Variants in SPON1 observed in about 807,000 individuals in gnomAD.
SPON1 encodes spondin 1, also known as spondin-1.
Under a neutral mutation model 111.7 loss-of-function variants are expected in SPON1, and 52 were observed. The ratio of observed to expected loss-of-function variants is 0.47; its 90% confidence interval spans 0.37 to 0.59. The LOEUF is 0.59. Ranked by LOEUF, SPON1 falls within the 20% of genes least tolerant of loss-of-function variation. The pLI, the probability that SPON1 is intolerant of heterozygous loss-of-function variation, is 0.00. For missense variants in SPON1, 957 were observed against 1,068.5 expected (o/e 0.90, Z 1.46); for synonymous variants, 410 against 395.8 (o/e 1.04, Z -0.43).
At chr11:14,261,284 A>G (rs1554941893) in intron 14 of SPON1, among the ~76,000 whole-genome samples, 1 of 152,150 alleles carries the variant, frequency 6.6e-6, no homozygotes, top group African/African-American at 2.4e-5. Flanking sequence ...TTTATATTAC[A>G]TGGGACTAAT....
intron 6 of SPON1, among the ~76,000 whole-genome samples, chr11:14,222,180 T>G (rs893941374): frequency 7.2e-5 from 11 of 152,258 alleles, no homozygotes; most frequent in African/African-American, 2.4e-4. Context: ...TTTTTCCCAT[T>G]ATAACATTTC....
At chr11:14,074,985 C>G (rs1302334227) in intron 3 of SPON1, among the ~76,000 whole-genome samples, 1 of 152,048 alleles carries the variant, frequency 6.6e-6, no homozygotes, top group East Asian at 1.9e-4. Context: ...TATAAATGGC[C>G]TCAATAGTTT....
At chr11:14,202,467 T>C (rs1217151553) in intron 6 of SPON1, among the ~76,000 whole-genome samples, 2 of 152,152 alleles carry the variant, frequency 1.3e-5, no homozygotes, top group Non-Finnish European at 1.5e-5. Context: ...AGTGAATATG[T>C]GTCAGGACAG....
intron 6 of SPON1, among the ~76,000 whole-genome samples, chr11:14,158,878 T>C (rs1328372419): frequency 6.6e-6 from 1 of 152,172 alleles, no homozygotes; most frequent in African/African-American, 2.4e-5. Context: ...ATCTTTCTGA[T>C]TTGTGTCTCT....
At chr11:14,064,311 A>G (rs1316647976) in intron 3 of SPON1, among the ~76,000 whole-genome samples, 10 of 152,266 alleles carry the variant, frequency 6.6e-5, no homozygotes, top group African/African-American at 2.4e-4. Flanking sequence ...CCAAATGAAC[A>G]GTAACAACAA....
At chr11:14,227,425 A>C (rs1848752501) in intron 6 of SPON1, among the ~76,000 whole-genome samples, 1 of 152,190 alleles carries the variant, frequency 6.6e-6, no homozygotes, top group Non-Finnish European at 1.5e-5. Flanking sequence ...TTGAGGCCTT[A>C]GTATTTGTTT....
intron 6 of SPON1, among the ~76,000 whole-genome samples, chr11:14,141,029 C>CCCCCCACCCCCCCCCTCCCCCCCA (rs71041572): frequency 7.6e-6 from 1 of 132,274 alleles, no homozygotes; most frequent in Non-Finnish European, 1.6e-5. Context: ...GTGCCCCCCC[C>CCCCCCACCCCCCCCCTCCCCCCCA]ATGCCCCACT....
rs1471230102 is a variant in SPON1, at chr11:14,135,346, C to A, written c.677-74C>A. 2 of 1,507,734 alleles carry A rather than the reference C, an allele frequency of 1.3e-6. No individual in the cohort carries two copies. Among genetic ancestry groups the A allele is most frequent in the Admixed American group, 1.8e-5 (1 of 54,090 alleles). The allele number at this position is 1,507,734 out of a possible 1,614,324, so 93.4% of individuals were successfully genotyped here. ...TTTGAATCGATGTCCAATTACGCAT[C>A]CTCCCCATCATTTAAGGGACTCGTG... On this transcript the variant is annotated intron_variant, in intron 5 of 15. Coordinates refer to ENST00000576479, the MANE Select transcript of SPON1 (RefSeq NM_006108.4). The surrounding 1 kb of genome is among the most constrained non-coding windows in gnomAD (Gnocchi z 4.4).
chr11:14,263,052 T>TA, intron 15 of SPON1, 77 bp downstream of exon 15: 10 of 1,252,630 alleles, frequency 8.0e-6, no homozygotes, highest in South Asian at 3.5e-5. Flanking sequence ...TTGGACCTGT[T>TA]TAAAAAAAAA....
intron 5 of SPON1, among the ~76,000 whole-genome samples, chr11:14,126,199 G>T (rs1218583792): frequency 6.6e-6 from 1 of 152,078 alleles, no homozygotes; most frequent in Non-Finnish European, 1.5e-5. Context: ...TAACTACTTT[G>T]ATCAAATGTC....
intron 5 of SPON1, among the ~76,000 whole-genome samples, chr11:14,134,042 CT>C (rs5789824): frequency 2.8e-3 from 394 of 141,958 alleles, no homozygotes; most frequent in Admixed American, 5.3e-3. Flanking sequence ...TTCTTTCTTT[CT>C]TTTTTTTTTT....
intron 6 of SPON1, among the ~76,000 whole-genome samples, chr11:14,226,763 T>C (rs1462208538): frequency 6.6e-6 from 1 of 152,184 alleles, no homozygotes; most frequent in East Asian, 1.9e-4. Flanking sequence ...GTAACACAAA[T>C]TGGTTCTCTT....
chr11:14,068,857 C>A (rs1554920590), intron 3 of SPON1, among the ~76,000 whole-genome samples: 1 of 152,100 alleles, frequency 6.6e-6, no homozygotes, highest in African/African-American at 2.4e-5. Flanking sequence ...ATAGAGAGTG[C>A]CAGAGTTTCT....
chr11:14,040,143 C>T (rs1017983478), intron 2 of SPON1, among the ~76,000 whole-genome samples: 1 of 152,124 alleles, frequency 6.6e-6, no homozygotes, highest in African/African-American at 2.4e-5. Context: ...AGCAATCCTA[C>T]TACATTATCA....
intron 3 of SPON1, among the ~76,000 whole-genome samples, chr11:14,041,899 A>G (rs1413740296): frequency 6.6e-6 from 1 of 152,116 alleles, no homozygotes; most frequent in Non-Finnish European, 1.5e-5. Flanking sequence ...TACCAGAGAT[A>G]ATTATATTAG....
At chr11:14,206,884 A>G (rs1324631576) in intron 6 of SPON1, among the ~76,000 whole-genome samples, 1 of 152,158 alleles carries the variant, frequency 6.6e-6, no homozygotes, top group Non-Finnish European at 1.5e-5. Flanking sequence ...GAAAAAAACT[A>G]TTTTAAAATT....
At chr11:14,056,640 A>G (rs2133820901) in intron 3 of SPON1, among the ~76,000 whole-genome samples, 1 of 152,364 alleles carries the variant, frequency 6.6e-6, no homozygotes, top group South Asian at 2.1e-4. Flanking sequence ...ATGTAATCCC[A>G]GCACTTTGGG....
intron 6 of SPON1, among the ~76,000 whole-genome samples, chr11:14,155,969 T>C (rs1847840976): frequency 7.6e-6 from 1 of 131,976 alleles, no homozygotes; most frequent in Non-Finnish European, 1.7e-5. Flanking sequence ...TACATGTGCA[T>C]GTGTCTTTAT....
At chr11:14,111,741 G>T (rs1381076500) in intron 5 of SPON1, among the ~76,000 whole-genome samples, 1 of 152,048 alleles carries the variant, frequency 6.6e-6, no homozygotes, top group Non-Finnish European at 1.5e-5. Context: ...AGGATTCTTG[G>T]GTTTCGTTTT....
Sources: allele counts gnomAD v4.1 joint callset (sites outside exome capture counted in the v4.1 genomes callset), GRCh38; gene constraint gnomAD v4.1.1; non-coding constraint Gnocchi (gnomAD v3.1); transcripts MANE v1.5; gene names NCBI Gene and HGNC (gene_info 2026-07-23, HGNC 2026-07-21).